CWF19L2: variants seen among roughly 807,000 people sequenced by gnomAD.
CWF19L2 encodes the protein CWF19 like cell cycle control factor 2, also known as CWF19-like protein 2.
Under a neutral mutation model 111.7 loss-of-function variants are expected in CWF19L2, and 98 were observed. The ratio of observed to expected loss-of-function variants is 0.88; its 90% CI spans 0.75 to 1.04. The LOEUF is 1.04. CWF19L2 is among the 50% of genes least tolerant of loss of function. The pLI is 0.00. For missense variants in CWF19L2, 1,101 were observed against 1,051.4 expected, an observed-to-expected ratio of 1.05 and a Z score of -0.65; for synonymous variants, 351 against 342.9, an observed-to-expected ratio of 1.02 and a Z score of -0.26.
intron 3 of CWF19L2, among the ~76,000 whole-genome samples, chr11:107,444,558 C>T (rs1222581453): frequency 2.6e-5 from 4 of 152,218 alleles, no homozygotes; most frequent in African/African-American, 9.6e-5. Flanking sequence ...CTAAACATTC[C>T]CTTTGGGCCA....
At chr11:107,412,024 A>C (rs1433835699) in intron 10 of CWF19L2, among the ~76,000 whole-genome samples, 1 of 152,184 alleles carries the variant, frequency 6.6e-6, no homozygotes, top group Non-Finnish European at 1.5e-5. Context: ...GTTGTCTGAA[A>C]TGAACAGCAT....
At chr11:107,352,214 A>C (rs1860165590) in intron 13 of CWF19L2, among the ~76,000 whole-genome samples, 1 of 152,180 alleles carries the variant, frequency 6.6e-6, no homozygotes, top group South Asian at 2.1e-4. Flanking sequence ...AGCACAAGAC[A>C]TACTTCTTCC....
At chr11:107,365,426 T>A (rs1237136612) in intron 12 of CWF19L2, among the ~76,000 whole-genome samples, 1 of 85,428 alleles carries the variant, frequency 1.2e-5, no homozygotes, top group Non-Finnish European at 2.2e-5. Context: ...AAATCCTCAA[T>A]AAAATACTGG....
At chr11:107,385,758 T>C (rs1419707659) in intron 12 of CWF19L2, among the ~76,000 whole-genome samples, 1 of 152,036 alleles carries the variant, frequency 6.6e-6, no homozygotes, top group Non-Finnish European at 1.5e-5. Flanking sequence ...TTCTACTCCA[T>C]CCCCCCCAGG....
intron 12 of CWF19L2, among the ~76,000 whole-genome samples, chr11:107,388,993 T>C (rs1296644823): frequency 1.3e-5 from 2 of 152,336 alleles, no homozygotes; most frequent in Admixed American, 6.5e-5. Context: ...TTTACTTTAT[T>C]GCCCTCTTCC....
intron 12 of CWF19L2, 108 bp downstream of exon 12, chr11:107,389,965 TA>T: frequency 5.4e-6 from 5 of 921,380 alleles, no homozygotes; most frequent in Non-Finnish European, 8.1e-6. Flanking sequence ...TTTAATTTAA[TA>T]AAATGAATCA....
chr11:107,371,259 T>G lies in CWF19L2; in HGVS notation c.1873-17523A>C, dbSNP rs913379611. 3.6e-5 allele frequency among the ~76,000 whole-genome samples: 5 copies of G among 137,314 alleles called. 2 individuals are homozygous for G. The highest frequency in any genetic ancestry group is 5.8e-5 in the African/African-American group (2 of 34,338). The allele number at this position is 137,314 out of a possible 152,430, so 90.1% of individuals were successfully genotyped here. On this transcript the variant is annotated intron_variant, in intron 12 of 17. Transcript: ENST00000282251. ...ACCTCGTGATCTGCCCGCCTCGGCC[T>G]CCCAAAGTGCTGGGATTACAGGCGT...
intron 2 of CWF19L2, among the ~76,000 whole-genome samples, chr11:107,455,226 G>A (rs920648579): frequency 1.3e-5 from 2 of 151,916 alleles, no homozygotes; most frequent in Non-Finnish European, 2.9e-5. Context: ...TAGCTTGACT[G>A]AATCTTTCTA....
chr11:107,393,649 T>C (rs1239850212), intron 10 of CWF19L2, among the ~76,000 whole-genome samples: 1 of 152,164 alleles, frequency 6.6e-6, no homozygotes, highest in East Asian at 1.9e-4. Flanking sequence ...TGTCCACTAA[T>C]GGATGATTGA....
At chr11:107,339,464 A>G (rs1369062282) in intron 14 of CWF19L2, among the ~76,000 whole-genome samples, 1 of 152,056 alleles carries the variant, frequency 6.6e-6, no homozygotes, top group Non-Finnish European at 1.5e-5. Context: ...CAGAAGAGCA[A>G]TTCTGTTTCT....
At chr11:107,421,981 G>A (rs1179103054) in intron 8 of CWF19L2, among the ~76,000 whole-genome samples, 1 of 151,980 alleles carries the variant, frequency 6.6e-6, no homozygotes, top group East Asian at 1.9e-4. Context: ...CAGGAGAATG[G>A]AAAAACAAAT....
chr11:107,403,553 G>A (rs537830221), intron 10 of CWF19L2: 134 of 798,648 alleles, frequency 1.7e-4, no homozygotes, highest in South Asian at 6.1e-4. Flanking sequence ...AGTAGTAGAC[G>A]TGCCTTCTTC....
chr11:107,340,266 T>C (rs1380834492), intron 14 of CWF19L2, among the ~76,000 whole-genome samples: 1 of 152,176 alleles, frequency 6.6e-6, no homozygotes, highest in African/African-American at 2.4e-5. Context: ...AGTTTTATAG[T>C]TTTGTACCTT....
intron 10 of CWF19L2, among the ~76,000 whole-genome samples, chr11:107,407,853 T>G (rs536898148): frequency 2.6e-5 from 4 of 152,048 alleles, no homozygotes; most frequent in Non-Finnish European, 5.9e-5. Flanking sequence ...AAAAAATTTT[T>G]TAACTACCCC....
intron 4 of CWF19L2, among the ~76,000 whole-genome samples, 200 bp from the exon 5 acceptor site, chr11:107,441,822 T>C (rs575641941): frequency 4.6e-5 from 7 of 152,334 alleles, no homozygotes; most frequent in Admixed American, 3.3e-4. Context: ...TAAAATGGTA[T>C]AAAATCCCTA....
intron 10 of CWF19L2, among the ~76,000 whole-genome samples, chr11:107,393,653 T>C (rs1242611807): frequency 6.6e-6 from 1 of 152,112 alleles, no homozygotes; most frequent in Non-Finnish European, 1.5e-5. Flanking sequence ...CACTAATGGA[T>C]GATTGAAAAG....
rs568234549 is a variant in CWF19L2, at chr11:107,415,195, T to C, written c.1617+1014A>G. 3.0e-4 allele frequency among the ~76,000 whole-genome samples: 45 copies of C among 152,278 alleles called. 1 individual carries two copies. The Middle Eastern group carries it at 0.014, about 46-fold the overall frequency. ...ATTCTTCCTACACATCAGACATATT[T>C]CCATCTTTGGGCCTTTAAATCTCTG... On this transcript the variant is annotated intron_variant, in intron 10 of 17. Transcript: ENST00000282251.
intron 12 of CWF19L2, among the ~76,000 whole-genome samples, chr11:107,367,318 C>A (rs1860444645): frequency 7.5e-6 from 1 of 133,214 alleles, no homozygotes; most frequent in Admixed American, 7.4e-5. Context: ...CCAGCCATCC[C>A]ATTACTGGGT....
In CWF19L2 at chr11:107,327,307, T is replaced by C. The variant is rs12278038; in HGVS notation, c.2542-254A>G. ...GTCCATTTTGTTGCTTATTAGCACA[T>C]CTACTAGATGGTAACAAAGGGGAGG... On this transcript the variant is annotated intron_variant, in intron 17 of 17. Transcript: ENST00000282251. Among the ~76,000 whole-genome samples, 660 of 152,266 alleles carry C rather than the reference T, an allele frequency of 4.3e-3. 2 individuals are homozygous for C. Among genetic ancestry groups the C allele is most frequent in the African/African-American group, 0.014 (585 of 41,554 alleles).
Sources: allele counts gnomAD v4.1 joint callset (sites outside exome capture counted in the v4.1 genomes callset), GRCh38; gene constraint gnomAD v4.1.1; transcripts MANE v1.5; gene names NCBI Gene and HGNC (gene_info 2026-07-23, HGNC 2026-07-21).